The following HIC1 variants were observed in gnomAD, a reference collection of about 807,000 sequenced individuals.
HIC1 encodes HIC ZBTB transcriptional repressor 1.
HIC1 carries 9 observed loss-of-function variants against 26.4 expected under a neutral mutation model. The ratio of observed to expected loss-of-function variants is 0.34; its 90% CI spans 0.21 to 0.59. The LOEUF (loss-of-function observed/expected upper bound fraction) is 0.59. Ranked by LOEUF, HIC1 falls within the 20% of genes least tolerant of loss-of-function variation. The pLI, the probability that HIC1 is intolerant of heterozygous loss-of-function variation, is 0.82. For synonymous variants in HIC1, 631 were observed against 523.1 expected, an observed-to-expected ratio of 1.21 and a Z score of -2.81; for missense variants, 965 against 1,075.7, an observed-to-expected ratio of 0.90 and a Z score of 1.44.
In HIC1 at chr17:2,057,525, G is replaced by A. The variant is rs1237814549; in HGVS notation, c.835G>A (p.Glu279Lys). 3.3e-6 allele frequency: 5 copies of A among 1,494,346 alleles called. No homozygotes were observed. In the African/African-American group the frequency reaches 4.4e-5, roughly 13 times the overall value. The allele number at this position is 1,494,346 out of a possible 1,614,324, so 92.6% of individuals were successfully genotyped here. Reference sequence around the variant, plus strand: ...GCCGCCGCTGCCCTTCCAGAAGCTGGAGGAGGCCGCACCGCCTTCCGACCC... The same window carrying A: ...GCCGCCGCTGCCCTTCCAGAAGCTGAAGGAGGCCGCACCGCCTTCCGACCC... Reference protein sequence around the residue: ...SLPPLPFQKLEEAAPPSDPFR... With the variant: ...SLPPLPFQKLKEAAPPSDPFR... Residue 279 changes from glutamate (E) to lysine (K), a missense_variant, in exon 2 of 2, where the codon GAG (glutamate) becomes AAG (lysine). Coordinates refer to ENST00000619757, the MANE Select transcript of HIC1 (RefSeq NM_006497.4).
chr17:2,059,161 G>C lies in HIC1; in HGVS notation c.*326G>C, dbSNP rs566127095. On this transcript the variant is annotated 3_prime_UTR_variant, in exon 2 of 2. Coordinates refer to ENST00000619757, the MANE Select transcript of HIC1 (RefSeq NM_006497.4). ...CCCCCGGCTCCGCGCTGCTCTTAGA[G>C]GGGGAGGGGTGTCACTGTCGGGGCA... The C allele has an allele frequency of 5.5e-5, 16 of 288,598 alleles. No individual in the cohort carries two copies. The South Asian group carries it at 1.7e-3, about 31-fold the overall frequency. The allele number at this position is 288,598 out of a possible 1,614,324, so 17.9% of individuals were successfully genotyped here.
At position 2,058,055 on chromosome 17, in the gene HIC1, A is replaced by G. The variant is rs1239224747; in HGVS notation, c.1365A>G (p.Glu455=). Residue 455 remains glutamate, a synonymous_variant, in exon 2 of 2, where the codon GAA becomes GAG. Transcript: ENST00000619757. ...EALYGRAEAA[E]VAAGAAGLGP... ...TGTACGGCAGGGCCGAGGCGGCCGA[A>G]GTGGCCGCTGGGGCCGCCGGCCTAG... The G allele has an allele frequency of 6.3e-7, 1 of 1,583,786 alleles. No individual in the cohort carries two copies.
Position 2,055,867 on chromosome 17 carries a change from A to G in HIC1, c.-21+629A>G, listed in dbSNP as rs2067667189. ...GGAGAAGGGGCCGGGGGAGCCGCGG[A>G]GGGAGGCGCCGGGCCCGCGCGTGTA... On this transcript the variant is annotated intron_variant, in intron 1 of 1. Transcript: ENST00000619757. This position sits in a 1 kb window ranked among gnomAD's most constrained non-coding sequence, Gnocchi z 6.4. 1.3e-5 allele frequency among the ~76,000 whole-genome samples: 2 copies of G among 150,646 alleles called. No homozygotes were observed. Among genetic ancestry groups the G allele is most frequent in the Non-Finnish European group, 3.0e-5 (2 of 67,578 alleles).
chr17:2,058,590 G>A lies in HIC1; in HGVS notation c.1900G>A (p.Ala634Thr). ...LDFPEGVFAV[A>T]RLTAEQLSLK... ...CTTCCCCGAGGGCGTCTTTGCTGTGGCTCGCCTCACGGCCGAGCAGCTGAG... is the reference window on the plus strand; with the variant it reads ...CTTCCCCGAGGGCGTCTTTGCTGTGACTCGCCTCACGGCCGAGCAGCTGAG... The change falls in exon 2 of 2, where the codon GCT becomes ACT. Residue 634 changes from alanine (A) to threonine (T), a missense_variant. Coordinates refer to ENST00000619757, the MANE Select transcript of HIC1 (RefSeq NM_006497.4). 6.4e-7 allele frequency: 1 copy of A among 1,551,314 alleles called. No homozygotes were observed.
chr17:2,056,883 C>T lies in HIC1; in HGVS notation c.193C>T (p.Leu65=). ...SLVVHDNLLN[L]DHDMVSPAVF... ...GGTGGTGCATGACAACCTGCTCAAC[C>T]TGGACCATGACATGGTGAGCCCGGC... is the stretch of plus-strand genomic sequence containing the variant. Residue 65 remains leucine, a synonymous_variant, in exon 2 of 2, where the codon CTG becomes TTG. Transcript: ENST00000619757. 6.2e-7 allele frequency: 1 copy of T among 1,612,942 alleles called. No homozygotes were observed. The highest frequency in any genetic ancestry group is 8.5e-7 in the Non-Finnish European group (1 of 1,179,920).
rs1567557099 is a variant in HIC1, at chr17:2,057,767, G to T, written c.1077G>T (p.Pro359=). 2 of 1,454,690 alleles carry T rather than the reference G, an allele frequency of 1.4e-6. No individual in the cohort carries two copies. The highest frequency in any genetic ancestry group is 1.8e-6 in the Non-Finnish European group (2 of 1,111,816). 90.1% of individuals were successfully genotyped at this position (1,454,690 alleles called of 1,614,324 possible). A position where few individuals can be genotyped will look rare whatever the true frequency, so the allele number is the denominator to read the frequency against. The change falls in exon 2 of 2, where the codon CCG becomes CCT. Residue 359 remains proline (P), a synonymous_variant. Coordinates refer to ENST00000619757, the MANE Select transcript of HIC1 (RefSeq NM_006497.4). ...GGPPLGLAPP[P]RYPGSLDGPG... is the part of the protein sequence containing the mutation. The stretch of plus-strand genomic sequence containing the variant: ...CCCCGCTCGGCCTGGCGCCGCCGCC[G>T]CGCTACCCTGGCAGCCTGGACGGGC...
rs370184800 is a variant in HIC1, at chr17:2,058,427, C to A, written c.1737C>A (p.Gly579=). ...EKPYECQVCG[G]KFAQQRNLIS... is the part of the protein sequence containing the mutation. ...CCTACGAGTGCCAGGTGTGCGGCGG[C>A]AAGTTCGCACAGCAACGCAACCTCA... The change falls in exon 2 of 2, where the codon GGC becomes GGA. Residue 579 remains glycine, a synonymous_variant. Transcript: ENST00000619757. 95 of 1,605,542 alleles carry A rather than the reference C, an allele frequency of 5.9e-5. No individual in the cohort carries two copies. The African/African-American group carries it at 1.2e-3, about 20-fold the overall frequency.
chr17:2,057,687 C>T lies in HIC1; in HGVS notation c.997C>T (p.Pro333Ser), dbSNP rs1208878873. The T allele has an allele frequency of 6.7e-7, 1 of 1,491,320 alleles. No individual in the cohort carries two copies. The highest frequency in any genetic ancestry group is 2.2e-5 in the Admixed American group (1 of 45,482). 92.4% of individuals were successfully genotyped at this position (1,491,320 alleles called of 1,614,324 possible). A position where few individuals can be genotyped will look rare whatever the true frequency, so the allele number is the denominator to read the frequency against. ...CGAGCTGGGCCGGGAGCGCGGCTCC[C>T]CCAGCGAGCGCTGCGAAGAGCGTGG... Reference protein sequence around the residue: ...GDELGRERGSPSERCEERGGD... With the variant: ...GDELGRERGSSSERCEERGGD... The change falls in exon 2 of 2, where the codon CCC (proline) becomes TCC (serine). Residue 333 changes from proline to serine, a missense_variant. This residue lies in a region of HIC1 where 526 missense variants were observed against 525.0 expected (regional missense o/e 1.00). Transcript: ENST00000619757.
Position 2,059,390 on chromosome 17 carries a change from AC to A in HIC1, c.*558del, listed in dbSNP as rs2067711899. The stretch of plus-strand genomic sequence containing the variant: ...ACAAGTGGCACTAGCCCCAGGGCCA[AC>A]CCTTCCTTCCTCAGTCACCAAGGGC... On this transcript the variant is annotated 3_prime_UTR_variant, in exon 2 of 2. Transcript: ENST00000619757. 6.2e-6 allele frequency: 1 copy of A among 161,316 alleles called. No homozygotes were observed. Among genetic ancestry groups the A allele is most frequent in the South Asian group, 2.5e-4 (1 of 4,066 alleles). 10.0% of individuals were successfully genotyped at this position (161,316 alleles called of 1,614,324 possible).
rs1436842189 is a variant in HIC1, at chr17:2,058,748, C to G, written c.2058C>G (p.Pro686=). 1.8e-5 allele frequency: 28 copies of G among 1,526,634 alleles called. No homozygotes were observed. Among genetic ancestry groups the G allele is most frequent in the Non-Finnish European group, 2.3e-5 (26 of 1,141,252 alleles). The allele number at this position is 1,526,634 out of a possible 1,614,324, so 94.6% of individuals were successfully genotyped here. The change falls in exon 2 of 2, where the codon CCC becomes CCG. Residue 686 remains proline (P), a synonymous_variant. Coordinates refer to ENST00000619757, the MANE Select transcript of HIC1 (RefSeq NM_006497.4). ...TCACGGCCGAGCTGGGCCTCAGCCC[C>G]GACAAGGCGGCCGAGGTGCTGAGCC... ...AKFTAELGLS[P]DKAAEVLSQG... is the part of the protein sequence containing the mutation.
At chr17:2,056,307 T>C in intron 1 of HIC1, 1 of 1,613,064 alleles carries the variant, frequency 6.2e-7, no homozygotes, top group Non-Finnish European at 8.5e-7. Context: ...TTCTCCGCCC[T>C]GAATGACTTT....
At position 2,058,460 on chromosome 17, in the gene HIC1, C is replaced by T; in HGVS notation, c.1770C>T (p.His590=). ...CACAGCAACGCAACCTCATCAGCCA[C>T]ATGAAGATGCACGCCGTGGGGGGCG... The part of the protein sequence containing the change: ...KFAQQRNLIS[H]MKMHAVGGAA... The change falls in exon 2 of 2, where the codon CAC becomes CAT. Residue 590 remains histidine, a synonymous_variant. Transcript: ENST00000619757. The T allele has an allele frequency of 1.3e-6, 2 of 1,568,868 alleles. No individual in the cohort carries two copies. Among genetic ancestry groups the T allele is most frequent in the African/African-American group, 1.4e-5 (1 of 71,334 alleles).
chr17:2,057,347 T>C lies in HIC1; in HGVS notation c.657T>C (p.Pro219=), dbSNP rs1055120365. 5 of 1,497,540 alleles carry C rather than the reference T, an allele frequency of 3.3e-6. No individual in the cohort carries two copies. The highest frequency in any genetic ancestry group is 4.4e-6 in the Non-Finnish European group (5 of 1,132,092). 92.8% of individuals were successfully genotyped at this position (1,497,540 alleles called of 1,614,324 possible). ...ALCASERRCS[P]LCGLDLSKKS... ...GTGCCTCGGAGCGCCGCTGCTCCCC[T>C]CTTTGTGGCCTGGACCTGTCCAAGA... Residue 219 remains proline, a synonymous_variant, in exon 2 of 2, where the codon CCT becomes CCC. Coordinates refer to ENST00000619757, the MANE Select transcript of HIC1 (RefSeq NM_006497.4).
rs758151524 is a variant in HIC1 at position 2,056,858 on chromosome 17, G to A, written c.168G>A (p.Leu56=). The change falls in exon 2 of 2, where the codon CTG becomes CTA. Residue 56 remains leucine (L), a synonymous_variant. Transcript: ENST00000619757. The part of the protein sequence containing the change: ...LAASSAYLKS[L]VVHDNLLNLD... ...CCAGCAGCGCCTACCTCAAGTCCCTGGTGGTGCATGACAACCTGCTCAACC... is the reference window on the plus strand; with the variant it reads ...CCAGCAGCGCCTACCTCAAGTCCCTAGTGGTGCATGACAACCTGCTCAACC... 3.7e-4 allele frequency: 595 copies of A among 1,612,976 alleles called. 4 individuals are homozygous for A. Among genetic ancestry groups the A allele is most frequent in the Admixed American group, 3.3e-5 (2 of 60,034 alleles).
Position 2,058,941 on chromosome 17 carries a change from G to T in HIC1, c.*106G>T, listed in dbSNP as rs1441260033. The T allele has an allele frequency of 2.9e-6, 3 of 1,043,520 alleles. No homozygotes were observed. Among genetic ancestry groups the T allele is most frequent in the Non-Finnish European group, 2.6e-6 (2 of 771,142 alleles). 64.6% of individuals were successfully genotyped at this position (1,043,520 alleles called of 1,614,324 possible). On this transcript the variant is annotated 3_prime_UTR_variant, in exon 2 of 2. Transcript: ENST00000619757. ...GCCCACTGTGCCCGGGACAACCGCA[G>T]CGTCGCCACAGTGGCGGCTCCACCT...
In HIC1 at chr17:2,057,140, G is replaced by T; in HGVS notation, c.450G>T (p.Ala150=). The T allele has an allele frequency of 7.7e-7, 1 of 1,301,520 alleles. No homozygotes were observed. The highest frequency in any genetic ancestry group is 9.7e-7 in the Non-Finnish European group (1 of 1,034,470). The allele number at this position is 1,301,520 out of a possible 1,614,324, so 80.6% of individuals were successfully genotyped here. ...RGGGGGGGGY[A]PYGRPGRGLR... ...GCGGCGGCGGCGGCGGCGGCTACGC[G>T]CCCTATGGTCGGCCGGGCCGGGGCC... The change falls in exon 2 of 2, where the codon GCG becomes GCT. Residue 150 remains alanine (A), a synonymous_variant. Transcript: ENST00000619757.
Position 2,057,855 on chromosome 17 carries a change from G to A in HIC1, c.1165G>A (p.Asp389Asn). 6.3e-7 allele frequency: 1 copy of A among 1,590,038 alleles called. No homozygotes were observed. Among genetic ancestry groups the A allele is most frequent in the South Asian group, 1.1e-5 (1 of 88,284 alleles). Reference sequence around the variant, plus strand: ...CAGCGAGGAGACCGGTAGCAGCGAGGACCCCAGCCCGCCTGGCGGCCACCT... The same window carrying A: ...CAGCGAGGAGACCGGTAGCAGCGAGAACCCCAGCCCGCCTGGCGGCCACCT... ...SSSEETGSSE[D>N]PSPPGGHLEG... The change falls in exon 2 of 2, where the codon GAC becomes AAC. Residue 389 changes from aspartate to asparagine, a missense_variant. Coordinates refer to ENST00000619757, the MANE Select transcript of HIC1 (RefSeq NM_006497.4).
In HIC1 at chr17:2,058,616, C is replaced by G. The variant is rs1215388577; in HGVS notation, c.1926C>G (p.Ser642Arg). 2 of 1,560,728 alleles carry G rather than the reference C, an allele frequency of 1.3e-6. No homozygotes were observed. The highest frequency in any genetic ancestry group is 8.6e-7 in the Non-Finnish European group (1 of 1,160,948). Residue 642 changes from serine to arginine, a missense_variant, in exon 2 of 2, where the codon AGC becomes AGG. Ser to Arg is a moderately radical substitution (Grantham distance 110). This residue lies in a region of HIC1 where 210 missense variants were observed against 179.2 expected (regional missense o/e 1.17). Transcript: ENST00000619757. ...AVARLTAEQL[S>R]LKQQDKAAAA... Reference sequence around the variant, plus strand: ...CTCGCCTCACGGCCGAGCAGCTGAGCCTGAAGCAGCAGGACAAGGCGGCCG... The same window carrying G: ...CTCGCCTCACGGCCGAGCAGCTGAGGCTGAAGCAGCAGGACAAGGCGGCCG...
rs1281387631 is a variant in HIC1, at chr17:2,056,801, C to T, written c.111C>T (p.Ala37=). The part of the protein sequence containing the change: ...LCDVIIVVQN[A]LFRAHKNVLA... ...ACGTGATCATCGTGGTGCAGAACGC[C>T]CTCTTCCGCGCGCACAAGAACGTGC... Residue 37 remains alanine (A), a synonymous_variant, in exon 2 of 2, where the codon GCC becomes GCT. Coordinates refer to ENST00000619757, the MANE Select transcript of HIC1 (RefSeq NM_006497.4). The T allele has an allele frequency of 7.4e-6, 12 of 1,612,802 alleles. No individual in the cohort carries two copies. The highest frequency in any genetic ancestry group is 6.6e-5 in the South Asian group (6 of 91,082).
Sources: allele counts gnomAD v4.1 joint callset (sites outside exome capture counted in the v4.1 genomes callset), GRCh38; gene constraint gnomAD v4.1.1; regional missense constraint gnomAD v4.1.1; non-coding constraint Gnocchi (gnomAD v3.1); transcripts MANE v1.5; gene names NCBI Gene and HGNC (gene_info 2026-07-23, HGNC 2026-07-21).